The following AP3B1 variants were observed in gnomAD, a reference collection of about 807,000 sequenced individuals.
The protein encoded by AP3B1 is AP-3 complex subunit beta-1.
A neutral mutation model predicts 132.5 loss-of-function variants in AP3B1; 61 were observed. The observed-to-expected ratio is 0.46, with a 90% CI of 0.37 to 0.57. The LOEUF is 0.57. Among genes scored for constraint, AP3B1 ranks in the 20% least tolerant of loss-of-function variants. AP3B1 has a pLI of 0.00. For synonymous variants in AP3B1, 388 were observed against 438.3 expected (o/e 0.89, Z 1.43); for missense variants, 1,120 against 1,289.4 (o/e 0.87, Z 2.01).
At chr5:78,184,330 A>G (rs1483700459) in intron 7 of AP3B1, among the ~76,000 whole-genome samples, 1 of 152,132 alleles carries the variant, frequency 6.6e-6, no homozygotes, top group Non-Finnish European at 1.5e-5. Flanking sequence ...AAACTGGAAC[A>G]CAGAACAACA....
At chr5:78,181,750 T>G in intron 7 of AP3B1, 88 bp from the exon 8 acceptor site, 4 of 1,159,078 alleles carry the variant, frequency 3.5e-6, no homozygotes, top group Non-Finnish European at 5.0e-6. Flanking sequence ...CCTTTAAACA[T>G]CTATAACAAC....
intron 11 of AP3B1, among the ~76,000 whole-genome samples, chr5:78,170,517 G>C (rs943243394): frequency 6.6e-6 from 1 of 152,188 alleles, no homozygotes; most frequent in African/African-American, 2.4e-5. Flanking sequence ...ATGAGGATGA[G>C]CATTTTTTCA....
rs1167116461 is a variant in AP3B1 at position 78,002,468 on chromosome 5, A to C, written c.*434T>G. ...GCTTTTGTATTTGGATTTAAAAAGT[A>C]TGTGATCTCATTTTCACATACCAAG... On this transcript the variant is annotated 3_prime_UTR_variant, in exon 27 of 27. Coordinates refer to ENST00000255194, the MANE Select transcript of AP3B1 (RefSeq NM_003664.5). 3 of 427,998 alleles carry C rather than the reference A, an allele frequency of 7.0e-6. No homozygotes were observed. Among genetic ancestry groups the C allele is most frequent in the African/African-American group, 6.1e-5 (3 of 49,278 alleles). 26.5% of individuals were successfully genotyped at this position (427,998 alleles called of 1,614,324 possible).
At chr5:78,190,159 T>G (rs113437091) in intron 7 of AP3B1, among the ~76,000 whole-genome samples, 6,215 of 152,104 alleles carry the variant, frequency 0.041, 192 homozygotes, top group East Asian at 0.13. Flanking sequence ...CTAACAAACA[T>G]GAAGAACATG....
chr5:78,274,046 A>C (rs1328488464), intron 1 of AP3B1, among the ~76,000 whole-genome samples: 2 of 151,542 alleles, frequency 1.3e-5, no homozygotes, highest in Non-Finnish European at 2.9e-5. Flanking sequence ...AAAAAAAAAA[A>C]AAAAACCAGG....
At chr5:78,265,825 C>T (rs371082833) in intron 2 of AP3B1, among the ~76,000 whole-genome samples, 99 of 152,344 alleles carry the variant, frequency 6.5e-4, no homozygotes, top group African/African-American at 2.4e-3. Context: ...CAGCCAGCTA[C>T]TTCTGTATAA....
chr5:78,058,610 G>C (rs1748915124), intron 22 of AP3B1, among the ~76,000 whole-genome samples: 1 of 152,120 alleles, frequency 6.6e-6, no homozygotes. Flanking sequence ...GTACTAGGAA[G>C]ATATGACACT....
At chr5:78,040,101 T>C (rs1241952842) in intron 22 of AP3B1, among the ~76,000 whole-genome samples, 1 of 151,970 alleles carries the variant, frequency 6.6e-6, no homozygotes, top group Non-Finnish European at 1.5e-5. Flanking sequence ...CTGAAGACCA[T>C]GGCCCCCAGG....
intron 22 of AP3B1, among the ~76,000 whole-genome samples, chr5:78,044,489 A>C (rs1212996338): frequency 6.6e-6 from 1 of 152,230 alleles, no homozygotes. Context: ...AGCCAGCTTT[A>C]TCTCTGTGGA....
At chr5:78,162,235 C>G (rs1045813805) in intron 13 of AP3B1, among the ~76,000 whole-genome samples, 1 of 152,134 alleles carries the variant, frequency 6.6e-6, no homozygotes, top group East Asian at 1.9e-4. Context: ...AATATGGGAT[C>G]TAGCTTACAT....
At chr5:78,106,330 T>C (rs574041123) in intron 20 of AP3B1, among the ~76,000 whole-genome samples, 1 of 152,172 alleles carries the variant, frequency 6.6e-6, no homozygotes, top group South Asian at 2.1e-4. Context: ...TGGTAGTGCA[T>C]GCCTATAGTC....
chr5:78,249,579 CTTTTTTTTTTTTTTT>C (rs71301504), intron 2 of AP3B1, among the ~76,000 whole-genome samples: 3 of 105,064 alleles, frequency 2.9e-5, no homozygotes, highest in Middle Eastern at 6.8e-3. Context: ...TTTTCTTTTT[CTTTTTTTTTTTTTTT>C]TTTTTTTGAG....
intron 15 of AP3B1, among the ~76,000 whole-genome samples, chr5:78,132,426 A>G (rs1255623856): frequency 6.6e-6 from 1 of 152,224 alleles, no homozygotes; most frequent in Non-Finnish European, 1.5e-5. Context: ...ACATTGAATG[A>G]AAAAAGTCTA....
Position 78,286,325 on chromosome 5 carries a change from A to G in AP3B1, c.128+8127T>C, listed in dbSNP as rs191042850. On this transcript the variant is annotated intron_variant, in intron 1 of 26. Transcript: ENST00000255194. ...ATGTTCAAACTTAATGGCCAATATG[A>G]TAGCATTAAGAGGTGGGGCCTTTAA... 1.8e-3 allele frequency among the ~76,000 whole-genome samples: 273 copies of G among 152,336 alleles called. 1 individual carries two copies. Among genetic ancestry groups the G allele is most frequent in the Non-Finnish European group, 3.3e-3 (222 of 68,024 alleles).
chr5:78,070,183 G>A (rs753131714), intron 22 of AP3B1, among the ~76,000 whole-genome samples: 1 of 151,926 alleles, frequency 6.6e-6, no homozygotes, highest in Non-Finnish European at 1.5e-5. Context: ...GAGGCAGGCG[G>A]ATCACCTGAG....
chr5:78,180,508 A>C (rs1194642676), intron 8 of AP3B1, among the ~76,000 whole-genome samples: 1 of 152,024 alleles, frequency 6.6e-6, no homozygotes, highest in Non-Finnish European at 1.5e-5. Context: ...AATCAGACAA[A>C]CCCAGAAGGA....
At chr5:78,081,347 G>C (rs1159810164) in intron 22 of AP3B1, among the ~76,000 whole-genome samples, 2 of 124,760 alleles carry the variant, frequency 1.6e-5, no homozygotes, top group Non-Finnish European at 3.1e-5. Flanking sequence ...TTGCTCTGTC[G>C]CCCAGGCTGG....
chr5:78,196,570 G>A (rs1745084567), intron 7 of AP3B1, among the ~76,000 whole-genome samples: 1 of 152,044 alleles, frequency 6.6e-6, no homozygotes, highest in Non-Finnish European at 1.5e-5. Context: ...CCTGCACATG[G>A]ATACAGCAGC....
At chr5:78,284,705 G>C (rs1447427028) in intron 1 of AP3B1, among the ~76,000 whole-genome samples, 1 of 152,072 alleles carries the variant, frequency 6.6e-6, no homozygotes. Flanking sequence ...ATTTCTTCTG[G>C]ATATTGAAAT....
Sources: allele counts gnomAD v4.1 joint callset (sites outside exome capture counted in the v4.1 genomes callset), GRCh38; gene constraint gnomAD v4.1.1; transcripts MANE v1.5; gene names NCBI Gene and HGNC (gene_info 2026-07-23, HGNC 2026-07-21).